ADCY2: variants seen among roughly 807,000 people sequenced by gnomAD.
ADCY2 encodes the protein adenylate cyclase 2, also known as adenylate cyclase type 2.
In ADCY2, 31 loss-of-function variants were observed where a neutral mutation model predicts 125.2. That is an observed-to-expected ratio of 0.25 (90% CI 0.19 to 0.33). ADCY2 has a LOEUF of 0.33. Among genes scored for constraint, ADCY2 ranks in the 10% least tolerant of loss-of-function variants. ADCY2 has a pLI of 1.00. For synonymous variants in ADCY2, 512 were observed against 548.4 expected, an observed-to-expected ratio of 0.93 and a Z score of 0.93; for missense variants, 904 against 1,418.2, an observed-to-expected ratio of 0.64 and a Z score of 5.82.
At chr5:7,487,417 A>G (rs1742978661) in intron 2 of ADCY2, among the ~76,000 whole-genome samples, 1 of 152,198 alleles carries the variant, frequency 6.6e-6, no homozygotes, top group Non-Finnish European at 1.5e-5. Context: ...TATGGGCCTC[A>G]TCATAAACAG....
chr5:7,652,452 G>T (rs149900561), intron 4 of ADCY2, among the ~76,000 whole-genome samples: 1 of 152,252 alleles, frequency 6.6e-6, no homozygotes, highest in Admixed American at 6.5e-5. Flanking sequence ...AAGCGTGGCC[G>T]TATAGTTAAC....
chr5:7,522,221 A>G (rs1414032036), intron 3 of ADCY2: 2 of 152,230 alleles, frequency 1.3e-5, no homozygotes, highest in African/African-American at 2.4e-5. Context: ...GCATTGTGTA[A>G]TGGTTGTCAC....
At chr5:7,603,068 G>A (rs1737268774) in intron 3 of ADCY2, among the ~76,000 whole-genome samples, 2 of 152,224 alleles carry the variant, frequency 1.3e-5, no homozygotes, top group South Asian at 4.2e-4. Flanking sequence ...TACATTCAAG[G>A]CAAGCAGAAT....
intron 3 of ADCY2, among the ~76,000 whole-genome samples, chr5:7,556,782 C>A (rs1735520144): frequency 6.6e-6 from 1 of 152,108 alleles, no homozygotes; most frequent in African/African-American, 2.4e-5. Context: ...TTATGAACTG[C>A]ACGTGCAAGG....
At chr5:7,701,606 A>G (rs1741080704) in intron 7 of ADCY2, among the ~76,000 whole-genome samples, 1 of 152,196 alleles carries the variant, frequency 6.6e-6, no homozygotes, top group Non-Finnish European at 1.5e-5. Context: ...GAACCTTTTC[A>G]TCACCCCAGA....
chr5:7,680,884 C>T (rs1005065939), intron 4 of ADCY2, among the ~76,000 whole-genome samples: 2 of 152,076 alleles, frequency 1.3e-5, no homozygotes, highest in Non-Finnish European at 2.9e-5. Context: ...GGAGGAGTCC[C>T]TGAAAGAAAA....
At chr5:7,422,547 AT>A (rs767952637) in intron 2 of ADCY2, among the ~76,000 whole-genome samples, 2 of 152,174 alleles carry the variant, frequency 1.3e-5, no homozygotes, top group Non-Finnish European at 2.9e-5. Context: ...AGCTTTCTGC[AT>A]TTCTCTTGTA....
At chr5:7,627,809 TG>T (rs1286301818) in intron 4 of ADCY2, among the ~76,000 whole-genome samples, 2 of 152,208 alleles carry the variant, frequency 1.3e-5, no homozygotes, top group East Asian at 3.9e-4. Context: ...AAATATTTAG[TG>T]AACACCAAGG....
At chr5:7,411,066 T>A (rs1739695686) in intron 1 of ADCY2, among the ~76,000 whole-genome samples, 1 of 152,166 alleles carries the variant, frequency 6.6e-6, no homozygotes, top group South Asian at 2.1e-4. Context: ...AGCTCGTACA[T>A]CCTCTAGTGA....
chr5:7,512,611 C>T (rs1744109778), intron 2 of ADCY2, among the ~76,000 whole-genome samples: 4 of 152,072 alleles, frequency 2.6e-5, no homozygotes. Flanking sequence ...AAATTGCATC[C>T]ACATATTCCA....
intron 23 of ADCY2, among the ~76,000 whole-genome samples, chr5:7,818,018 T>C (rs181592232): frequency 1.3e-5 from 2 of 152,274 alleles, no homozygotes; most frequent in African/African-American, 2.4e-5. Context: ...GGTTGCGATG[T>C]GTGCAGTTAC....
At chr5:7,789,592 G>T (rs368591384) in intron 19 of ADCY2, 50 bp from the exon 20 acceptor site, 99 of 1,549,618 alleles carry the variant, frequency 6.4e-5, no homozygotes, top group Non-Finnish European at 8.2e-5. Context: ...CCACTCTCTG[G>T]CAGGACAAGA....
chr5:7,636,011 C>T (rs1382924966), intron 4 of ADCY2, among the ~76,000 whole-genome samples: 1 of 152,176 alleles, frequency 6.6e-6, no homozygotes, highest in Non-Finnish European at 1.5e-5. Flanking sequence ...AGGTGTCCCT[C>T]TCACGGGAAG....
At chr5:7,730,282 G>T (rs1032428377) in intron 14 of ADCY2, among the ~76,000 whole-genome samples, 1 of 152,178 alleles carries the variant, frequency 6.6e-6, no homozygotes, top group East Asian at 1.9e-4. Context: ...TCCATTCATT[G>T]GTTGATGAAT....
chr5:7,775,945 A>C (rs1743709555), intron 18 of ADCY2, among the ~76,000 whole-genome samples: 1 of 152,122 alleles, frequency 6.6e-6, no homozygotes, highest in South Asian at 2.1e-4. Context: ...TGTCCACTTA[A>C]AACTAACCCC....
intron 3 of ADCY2, among the ~76,000 whole-genome samples, chr5:7,585,767 G>A (rs374050717): frequency 6.6e-6 from 1 of 152,110 alleles, no homozygotes; most frequent in African/African-American, 2.4e-5. Flanking sequence ...TGTGTCTTTC[G>A]GGATTAGTAT....
intron 2 of ADCY2, among the ~76,000 whole-genome samples, chr5:7,458,623 T>C (rs1282697501): frequency 1.3e-5 from 2 of 152,190 alleles, no homozygotes; most frequent in Admixed American, 6.5e-5. Flanking sequence ...CTGTCTAACA[T>C]TGTGGCTCTC....
intron 22 of ADCY2, among the ~76,000 whole-genome samples, chr5:7,807,298 A>G (rs1744786702): frequency 6.6e-6 from 1 of 152,148 alleles, no homozygotes; most frequent in African/African-American, 2.4e-5. Context: ...ATAGACTGAG[A>G]GTCCATAGCC....
chr5:7,596,537 T>C (rs565335607), intron 3 of ADCY2, among the ~76,000 whole-genome samples: 16 of 152,242 alleles, frequency 1.1e-4, no homozygotes, highest in Non-Finnish European at 2.1e-4. Context: ...CTGAGGCAAG[T>C]GAGTGGGTGG....
Sources: gnomAD v4.1 joint callset for allele counts (sites outside exome capture counted in the v4.1 genomes callset) on GRCh38, gnomAD v4.1.1 for gene constraint, MANE v1.5 for transcripts, NCBI Gene and HGNC (gene_info 2026-07-23, HGNC 2026-07-21) for gene names.